Variants in USP42 observed in about 807,000 individuals in gnomAD.
USP42 encodes ubiquitin specific peptidase 42, also known as ubiquitin carboxyl-terminal hydrolase 42.
A neutral mutation model predicts 113.0 loss-of-function variants in USP42; 23 were observed. The ratio of observed to expected loss-of-function variants is 0.20; its 90% CI spans 0.15 to 0.29. The LOEUF (loss-of-function observed/expected upper bound fraction) is 0.29, where lower values mean the gene tolerates loss of function less well. Ranked by LOEUF, USP42 falls within the 10% of genes least tolerant of loss-of-function variation. USP42 has a pLI of 1.00. For synonymous variants in USP42, 933 were observed against 699.0 expected (o/e 1.33, Z -5.28); for missense variants, 2,174 against 1,779.8 (o/e 1.22, Z -3.99).
the USP42 span, among the ~76,000 whole-genome samples, chr7:6,085,550 T>C: frequency 1.3e-5 from 2 of 149,614 alleles, no homozygotes; most frequent in Middle Eastern, 3.2e-3. Context: ...AGGGACCTGC[T>C]GTATAATAGT....
intron 4 of USP42, among the ~76,000 whole-genome samples, chr7:6,138,708 C>T (rs1562833018): frequency 6.6e-6 from 1 of 152,204 alleles, no homozygotes; most frequent in African/African-American, 2.4e-5. Context: ...CCTGTCAGAT[C>T]AATGGCAGCA....
At chr7:6,123,211 T>C (rs967925396) in intron 3 of USP42, among the ~76,000 whole-genome samples, 1 of 152,208 alleles carries the variant, frequency 6.6e-6, no homozygotes, top group Non-Finnish European at 1.5e-5. Flanking sequence ...CTCTGAAATC[T>C]ACTTCATCTG....
At chr7:6,134,273 T>C (rs893898544) in intron 3 of USP42, among the ~76,000 whole-genome samples, 20 of 152,178 alleles carry the variant, frequency 1.3e-4, no homozygotes, top group Admixed American at 7.9e-4. Context: ...TTTAAAGTTA[T>C]TGTCTTCTGA....
At chr7:6,144,409 G>C (rs1325847698) in intron 9 of USP42, among the ~76,000 whole-genome samples, 1 of 152,142 alleles carries the variant, frequency 6.6e-6, no homozygotes, top group African/African-American at 2.4e-5. Flanking sequence ...AGGACTTCCT[G>C]CTAGACTTTG....
the USP42 span, among the ~76,000 whole-genome samples, chr7:6,082,603 G>GTTT: frequency 0.033 from 2,988 of 89,908 alleles, 326 homozygotes; most frequent in Non-Finnish European, 0.043. Context: ...CTTTCTTTCT[G>GTTT]TTTTTTTTTT....
At chr7:6,132,640 T>C (rs1430496920) in intron 3 of USP42, among the ~76,000 whole-genome samples, 1 of 152,084 alleles carries the variant, frequency 6.6e-6, no homozygotes, top group Non-Finnish European at 1.5e-5. Flanking sequence ...ATTACAGGCA[T>C]GAGCCACCAA....
intron 8 of USP42, 114 bp downstream of exon 8, chr7:6,143,128 T>C (rs1781521760): frequency 1.9e-6 from 2 of 1,028,298 alleles, no homozygotes; most frequent in African/African-American, 3.2e-5. Flanking sequence ...TGATACCCTC[T>C]GGGAAGACAC....
intron 3 of USP42, among the ~76,000 whole-genome samples, chr7:6,125,104 C>A (rs949853446): frequency 6.6e-6 from 1 of 151,126 alleles, no homozygotes; most frequent in Non-Finnish European, 1.5e-5. Context: ...TCGCTTGATC[C>A]CGGGAGTTGG....
Position 6,154,242 on chromosome 7 carries a change from A to G in USP42, c.2688A>G (p.Ala896=), listed in dbSNP as rs767531389. Residue 896 remains alanine (A), a synonymous_variant, in exon 15 of 18, where the codon GCA becomes GCG. Transcript: ENST00000306177. ...PSQSLGAPEA[A]ERPPAPVLDM... ...AGAGCTTGGGCGCACCCGAGGCCGC[A>G]GAGCGGCCGCCAGCTCCTGTGCTGG... 2 of 1,604,796 alleles carry G rather than the reference A, an allele frequency of 1.2e-6. No homozygotes were observed. The highest frequency in any genetic ancestry group is 1.7e-4 in the Middle Eastern group (1 of 5,960).
At chr7:6,115,645 C>T in intron 3 of USP42, 122 bp downstream of exon 3, 1 of 1,215,350 alleles carries the variant, frequency 8.2e-7, no homozygotes, top group Non-Finnish European at 1.2e-6. Context: ...TTGGTTTATT[C>T]TTTTAGAAAC....
intron 1 of USP42, 118 bp from the exon 2 acceptor site, chr7:6,111,007 T>C (rs1779569445): frequency 2.0e-6 from 2 of 989,604 alleles, no homozygotes; most frequent in Non-Finnish European, 2.9e-6. Context: ...TATATTTGAG[T>C]GATGTGTTTG....
rs1444856453 is a variant in USP42 at position 6,154,921 on chromosome 7, C to T, written c.3367C>T (p.His1123Tyr). The change falls in exon 15 of 18, where the codon CAC becomes TAC. Residue 1123 changes from histidine to tyrosine, a missense_variant. By Grantham distance (83) the His-to-Tyr change is moderately conservative. Transcript: ENST00000306177. The stretch of plus-strand genomic sequence containing the variant: ...CAGCAGCCCCCGCGCAGGCGCGCCC[C>T]ACGCCCTCGCCCCGCACCCCGACCG... ...RPSSPRAGAP[H>Y]ALAPHPDRFS... 3 of 1,549,810 alleles carry T rather than the reference C, an allele frequency of 1.9e-6. No individual in the cohort carries two copies. The highest frequency in any genetic ancestry group is 1.4e-5 in the African/African-American group (1 of 73,118).
chr7:6,157,313 C>T lies in USP42; in HGVS notation c.3943+258C>T, dbSNP rs1782510348. On this transcript the variant is annotated intron_variant, in intron 16 of 17. Transcript: ENST00000306177. This position sits in a 1 kb window ranked among gnomAD's most constrained non-coding sequence, Gnocchi z 4.1. ...CAGCACTACCTGTGTCACCAAAGCC[C>T]TGGAACGTACAGCTCTAGGCATCTG... 7 of 1,162,548 alleles carry T rather than the reference C, an allele frequency of 6.0e-6. No individual in the cohort carries two copies. Among genetic ancestry groups the T allele is most frequent in the Non-Finnish European group, 7.4e-6 (7 of 944,564 alleles). 72.0% of individuals were successfully genotyped at this position (1,162,548 alleles called of 1,614,324 possible).
upstream of USP42, among the ~76,000 whole-genome samples, chr7:6,102,450 T>C (rs756969872): frequency 1.8e-4 from 27 of 149,792 alleles, no homozygotes; most frequent in Non-Finnish European, 3.8e-4. Flanking sequence ...GGGACCAGTT[T>C]GTCAACAGCG....
intron 2 of USP42, 83 bp from the exon 3 acceptor site, chr7:6,115,240 T>G (rs1779852950): frequency 7.4e-7 from 1 of 1,359,356 alleles, no homozygotes; most frequent in South Asian, 1.2e-5. Flanking sequence ...CTTGTAAAGA[T>G]TGAGGTTTGA....
upstream of USP42, among the ~76,000 whole-genome samples, chr7:6,100,912 C>T (rs1264289020): frequency 6.6e-6 from 1 of 150,964 alleles, no homozygotes; most frequent in African/African-American, 2.5e-5. Flanking sequence ...AAGTGATCTG[C>T]TTGCCTTGGC....
rs1782203527 is a variant in USP42, at chr7:6,153,679, A to G, written c.2202-77A>G. The G allele has an allele frequency of 3.6e-6, 5 of 1,383,430 alleles. No individual in the cohort carries two copies. In the South Asian group the frequency reaches 5.4e-5, roughly 15 times the overall value. 85.7% of individuals were successfully genotyped at this position (1,383,430 alleles called of 1,614,324 possible). A position where few individuals can be genotyped will look rare whatever the true frequency, so the allele number is the denominator to read the frequency against. ...AAATAGCAAATGAACGTTTTGAAGT[A>G]TTTGTCCTTGTAATGCAATGACATG... On this transcript the variant is annotated intron_variant, in intron 14 of 17. Coordinates refer to ENST00000306177, the MANE Select transcript of USP42 (RefSeq NM_032172.3).
intron 1 of USP42, among the ~76,000 whole-genome samples, chr7:6,110,643 C>G (rs1779551054): frequency 6.6e-6 from 1 of 152,250 alleles, no homozygotes; most frequent in Middle Eastern, 3.4e-3. Context: ...GCCATTTGCA[C>G]TTTAAGCACA....
rs571917598 is a variant in USP42, at chr7:6,119,710, TG to T, written c.442+4188del. 3.0e-3 allele frequency among the ~76,000 whole-genome samples: 456 copies of T among 152,162 alleles called. 2 individuals are homozygous for T. The highest frequency in any genetic ancestry group is 0.011 in the African/African-American group (440 of 41,528). ...TTGTTTTTTGTTGTTGTTGTTGTTT[TG>T]TTTTTTTTTAGTGACATTCTTGCTC... is the stretch of plus-strand genomic sequence containing the variant. On this transcript the variant is annotated intron_variant, in intron 3 of 17. Transcript: ENST00000306177.
Sources: gnomAD v4.1 joint callset for allele counts (sites outside exome capture counted in the v4.1 genomes callset) on GRCh38, gnomAD v4.1.1 for gene constraint, Gnocchi (gnomAD v3.1) non-coding constraint, MANE v1.5 for transcripts, NCBI Gene and HGNC (gene_info 2026-07-23, HGNC 2026-07-21) for gene names.